B3GALT2: variants seen among roughly 807,000 people sequenced by gnomAD.
B3GALT2 encodes beta-1,3-galactosyltransferase 2.
In B3GALT2, 13 loss-of-function variants were observed where a neutral mutation model predicts 33.5. The ratio of observed to expected loss-of-function variants is 0.39; its 90% CI spans 0.25 to 0.62. B3GALT2 has a LOEUF of 0.62. Ranked by LOEUF, B3GALT2 falls within the 20% of genes least tolerant of loss-of-function variation. B3GALT2 has a pLI of 0.53. For synonymous variants in B3GALT2, 195 were observed against 172.7 expected, an observed-to-expected ratio of 1.13 and a Z score of -1.01; for missense variants, 418 against 509.1, an observed-to-expected ratio of 0.82 and a Z score of 1.72.
Position 193,180,280 on chromosome 1 carries a change from A to C in B3GALT2, c.*14T>G. On this transcript the variant is annotated 3_prime_UTR_variant, in exon 2 of 2. Transcript: ENST00000367434. ...ATATTTACAAATTGCACATTTGAAA[A>C]AAAATTGTCTTTTCTAATGTAGTTT... is the stretch of plus-strand genomic sequence containing the variant. The C allele has an allele frequency of 6.5e-6, 10 of 1,534,022 alleles. No individual in the cohort carries two copies. The highest frequency in any genetic ancestry group is 8.8e-6 in the Non-Finnish European group (10 of 1,142,052).
At position 193,181,059 on chromosome 1, in the gene B3GALT2, T is replaced by C; in HGVS notation, c.504A>G (p.Arg168=). 1 of 1,614,004 alleles carries C rather than the reference T, an allele frequency of 6.2e-7. No homozygotes were observed. The highest frequency in any genetic ancestry group is 8.5e-7 in the Non-Finnish European group (1 of 1,179,966). Residue 168 remains arginine (R), a synonymous_variant, in exon 2 of 2, where the codon AGA becomes AGG. Transcript: ENST00000367434. Reference sequence around the variant, plus strand: ...CATTGCCCCAAGTTTGCCGAATAGCTCTTCTAGCTTCTATTTGTCCAGGCT... The same window carrying C: ...CATTGCCCCAAGTTTGCCGAATAGCCCTTCTAGCTTCTATTTGTCCAGGCT... The part of the protein sequence containing the change: ...AAEPGQIEAR[R]AIRQTWGNES...
Position 193,180,193 on chromosome 1 carries a change from T to G in B3GALT2, c.*101A>C. ...ATACTTCTTGAATTTCTTTATGTGA[T>G]GAGTTTTAACTAAAACTTGTCCTAC... is the stretch of plus-strand genomic sequence containing the variant. On this transcript the variant is annotated 3_prime_UTR_variant, in exon 2 of 2. Coordinates refer to ENST00000367434, the MANE Select transcript of B3GALT2 (RefSeq NM_003783.3). The G allele has an allele frequency of 2.0e-6, 2 of 992,956 alleles. No individual in the cohort carries two copies. The highest frequency in any genetic ancestry group is 2.8e-6 in the Non-Finnish European group (2 of 712,864). The allele number at this position is 992,956 out of a possible 1,614,324, so 61.5% of individuals were successfully genotyped here. A position where few individuals can be genotyped will look rare whatever the true frequency, so the allele number is the denominator to read the frequency against.
At chr1:193,185,383 A>T (rs1458344365) in intron 1 of B3GALT2, among the ~76,000 whole-genome samples, 1 of 152,022 alleles carries the variant, frequency 6.6e-6, no homozygotes, top group Non-Finnish European at 1.5e-5. Context: ...ATAAACTCAC[A>T]CTACCTTATG....
At chr1:193,184,451 A>G (rs1369688418) in intron 1 of B3GALT2, among the ~76,000 whole-genome samples, 4 of 151,962 alleles carry the variant, frequency 2.6e-5, no homozygotes, top group Admixed American at 1.3e-4. Flanking sequence ...TAGAAGAGAA[A>G]TAGCTTTGGT....
At chr1:193,181,719 T>C in intron 1 of B3GALT2, 37 bp from the exon 2 acceptor site, 1 of 666,504 alleles carries the variant, frequency 1.5e-6, no homozygotes, top group Non-Finnish European at 2.5e-6. Context: ...CAGAACTGCC[T>C]GAAAGGGACT....
Position 193,181,134 on chromosome 1 carries a change from A to G in B3GALT2, c.429T>C (p.Pro143=). Residue 143 remains proline (P), a synonymous_variant, in exon 2 of 2, where the codon CCT becomes CCC. Transcript: ENST00000367434. ...AAGGACTTTTCTCTTGGCATTTTTC[A>G]GGCTCATTAATAATATATTTGAAAT... ...SYHFKYIINE[P]EKCQEKSPFL... The G allele has an allele frequency of 1.9e-6, 3 of 1,614,030 alleles. No homozygotes were observed. The highest frequency in any genetic ancestry group is 2.2e-5 in the South Asian group (2 of 91,076).
rs1676713509 is a variant in B3GALT2, at chr1:193,181,373, A to C, written c.190T>G (p.Phe64Val). 1 of 1,613,936 alleles carries C rather than the reference A, an allele frequency of 6.2e-7. No individual in the cohort carries two copies. The highest frequency in any genetic ancestry group is 1.7e-5 in the Admixed American group (1 of 59,992). ...CTTTTTGTTGACCGAAATCCTCGGA[A>C]AGTGTATGTCACAGGGTTTTCTTTG... The part of the protein sequence containing the change: ...GFKENPVTYT[F>V]RGFRSTKSET... The change falls in exon 2 of 2, where the codon TTC (phenylalanine) becomes GTC (valine). Residue 64 changes from phenylalanine (F) to valine (V), a missense_variant. Physicochemically the swap from Phe to Val is conservative, Grantham distance 50. Transcript: ENST00000367434.
chr1:193,182,839 A>G (rs992325923), intron 1 of B3GALT2, among the ~76,000 whole-genome samples: 3 of 152,100 alleles, frequency 2.0e-5, no homozygotes, highest in Admixed American at 6.6e-5. Flanking sequence ...TTTGAATTCC[A>G]TTAAAACAGG....
chr1:193,184,400 A>G (rs1232067453), intron 1 of B3GALT2, among the ~76,000 whole-genome samples: 1 of 151,974 alleles, frequency 6.6e-6, no homozygotes, highest in Non-Finnish European at 1.5e-5. Context: ...AAAACAAGAA[A>G]GTTCAGTAGT....
intron 1 of B3GALT2, among the ~76,000 whole-genome samples, chr1:193,185,018 A>G (rs937067384): frequency 1.7e-4 from 26 of 152,004 alleles, no homozygotes; most frequent in Non-Finnish European, 3.2e-4. Context: ...GATTGTTGCT[A>G]AAATAGTTTA....
chr1:193,181,345 T>C lies in B3GALT2; in HGVS notation c.218A>G (p.Glu73Gly), dbSNP rs765075342. The part of the protein sequence containing the change: ...TFRGFRSTKS[E>G]TNHSSLRNIW... ...GTTCCGAAGGGAGCTGTGGTTTGTC[T>C]CACTTTTTGTTGACCGAAATCCTCG... is the stretch of plus-strand genomic sequence containing the variant. Residue 73 changes from glutamate (E) to glycine (G), a missense_variant, in exon 2 of 2, where the codon GAG (glutamate) becomes GGG (glycine). By Grantham distance (98) the Glu-to-Gly change is moderately conservative. This residue lies in a region of B3GALT2 where 188 missense variants were observed against 197.5 expected (regional missense o/e 0.95). Transcript: ENST00000367434. 6.2e-7 allele frequency: 1 copy of C among 1,614,108 alleles called. No homozygotes were observed. The highest frequency in any genetic ancestry group is 1.1e-5 in the South Asian group (1 of 91,084).
At chr1:193,182,815 G>A (rs1371135018) in intron 1 of B3GALT2, among the ~76,000 whole-genome samples, 4 of 152,042 alleles carry the variant, frequency 2.6e-5, no homozygotes, top group Admixed American at 2.6e-4. Flanking sequence ...GTAGAGGTGG[G>A]CAAAGAGGTA....
rs1160082500 is a variant in B3GALT2, at chr1:193,180,244, T to G, written c.*50A>C. On this transcript the variant is annotated 3_prime_UTR_variant, in exon 2 of 2. Transcript: ENST00000367434. ...GGATGTAATCAGTTCTAACTATACA[T>G]GCTTTTAGCAATATTTACAAATTGC... is the stretch of plus-strand genomic sequence containing the variant. The G allele has an allele frequency of 3.4e-6, 5 of 1,482,044 alleles. No individual in the cohort carries two copies. The South Asian group carries it at 5.4e-5, about 16-fold the overall frequency. 91.8% of individuals were successfully genotyped at this position (1,482,044 alleles called of 1,614,324 possible).
chr1:193,181,744 G>A, intron 1 of B3GALT2, 62 bp from the exon 2 acceptor site: 1 of 555,158 alleles, frequency 1.8e-6, no homozygotes, highest in South Asian at 3.1e-5. Flanking sequence ...GTACTAATAT[G>A]ATCAGGGCAA....
rs1676709201 is a variant in B3GALT2, at chr1:193,181,207, T to C, written c.356A>G (p.Asn119Ser). ...ACCTTTTTCATTGTAAATACTTCCA[T>C]TGGCACTAAGTGTATTCTCCAGGCC... ...VTGLENTLSA[N>S]GSIYNEKGTG... The change falls in exon 2 of 2, where the codon AAT becomes AGT. Residue 119 changes from asparagine to serine, a missense_variant. Coordinates refer to ENST00000367434, the MANE Select transcript of B3GALT2 (RefSeq NM_003783.3). 3.7e-6 allele frequency: 6 copies of C among 1,613,966 alleles called. No individual in the cohort carries two copies. The highest frequency in any genetic ancestry group is 5.1e-6 in the Non-Finnish European group (6 of 1,179,914).
In B3GALT2 at chr1:193,180,643, C is replaced by T. The variant is rs1262557173; in HGVS notation, c.920G>A (p.Arg307His). The change falls in exon 2 of 2, where the codon CGT (arginine) becomes CAT (histidine). Residue 307 changes from arginine (R) to histidine (H), a missense_variant. By Grantham distance (29) the Arg-to-His change is conservative. Around this residue, in one of 3 missense-constraint regions of B3GALT2, gnomAD observed 226 missense variants for 293.9 expected, o/e 0.77. Transcript: ENST00000367434. Reference protein sequence around the residue: ...YMPPDLYPSERYPVFCSGTGY... With the variant: ...YMPPDLYPSEHYPVFCSGTGY... ...AGTTCCAGAACAGAAGACAGGATAA[C>T]GCTCACTTGGGTAGAGGTCTGGTGG... 12 of 1,613,990 alleles carry T rather than the reference C, an allele frequency of 7.4e-6. No homozygotes were observed. Among genetic ancestry groups the T allele is most frequent in the South Asian group, 1.1e-5 (1 of 91,078 alleles).
At position 193,181,517 on chromosome 1, in the gene B3GALT2, A is replaced by G; in HGVS notation, c.46T>C (p.Trp16Arg). 6.2e-7 allele frequency: 1 copy of G among 1,609,450 alleles called. No homozygotes were observed. Among genetic ancestry groups the G allele is most frequent in the Non-Finnish European group, 8.5e-7 (1 of 1,178,234 alleles). ...RRHCCFAKMT[W>R]NAKRSLFRTH... ...CGGAACAGAGACCTTTTGGCATTCC[A>G]GGTCATCTTTGCAAAGCAGCAGTGT... The change falls in exon 2 of 2, where the codon TGG becomes CGG. Residue 16 changes from tryptophan to arginine, a missense_variant. Around this residue, in one of 3 missense-constraint regions of B3GALT2, gnomAD observed 188 missense variants for 197.5 expected, o/e 0.95. Transcript: ENST00000367434.
chr1:193,179,158 A>C lies in B3GALT2; in HGVS notation c.*1136T>G, dbSNP rs541106385. The C allele has an allele frequency of 2.6e-5, 4 of 152,290 alleles. No homozygotes were observed. Among genetic ancestry groups the C allele is most frequent in the African/African-American group, 9.6e-5 (4 of 41,566 alleles). 9.4% of individuals were successfully genotyped at this position (152,290 alleles called of 1,614,324 possible). A position where few individuals can be genotyped will look rare whatever the true frequency, so the allele number is the denominator to read the frequency against. ...TTGTAGTTTTCCCCATCCCTCCCAAAAAGGTTTTTAATTGGTGATTCAGAA... is the reference window on the plus strand; with the variant it reads ...TTGTAGTTTTCCCCATCCCTCCCAACAAGGTTTTTAATTGGTGATTCAGAA... On this transcript the variant is annotated 3_prime_UTR_variant, in exon 2 of 2. Coordinates refer to ENST00000367434, the MANE Select transcript of B3GALT2 (RefSeq NM_003783.3).
chr1:193,182,777 A>T (rs1366275179), intron 1 of B3GALT2, among the ~76,000 whole-genome samples: 1 of 152,040 alleles, frequency 6.6e-6, no homozygotes, highest in African/African-American at 2.4e-5. Context: ...TGTTGTTTTT[A>T]GTTTTTGGGG....
Sources: allele counts gnomAD v4.1 joint callset (sites outside exome capture counted in the v4.1 genomes callset), GRCh38; gene constraint gnomAD v4.1.1; regional missense constraint gnomAD v4.1.1; transcripts MANE v1.5; gene names NCBI Gene and HGNC (gene_info 2026-07-23, HGNC 2026-07-21).